The following PIWIL1 variants were observed in gnomAD, a reference collection of about 807,000 sequenced individuals.
PIWIL1 encodes the protein piwi like RNA-mediated gene silencing 1.
In PIWIL1, 73 loss-of-function variants were observed where a neutral mutation model predicts 114.4. The ratio of observed to expected loss-of-function variants is 0.64; its 90% CI spans 0.53 to 0.78. The LOEUF (loss-of-function observed/expected upper bound fraction) is 0.78. Among genes scored for constraint, PIWIL1 ranks in the 30% least tolerant of loss-of-function variants. The probability of loss-of-function intolerance (pLI) is 0.00; values close to 1 mark genes in which losing one functional copy is unlikely to be tolerated. For synonymous variants in PIWIL1, 375 were observed against 369.0 expected (o/e 1.02, Z -0.19); for missense variants, 723 against 1,063.1 (o/e 0.68, Z 4.45).
the PIWIL1 span, chr12:130,383,349 A>G: frequency 6.6e-6 from 1 of 152,176 alleles, no homozygotes; most frequent in Non-Finnish European, 1.5e-5. Context: ...CTCCTGAGAC[A>G]AGGAATCAGG....
At chr12:130,423,384 C>T in the PIWIL1 span, among the ~76,000 whole-genome samples, 2 of 152,196 alleles carry the variant, frequency 1.3e-5, no homozygotes, top group East Asian at 1.9e-4. Context: ...GGGCCCATCG[C>T]AAGCACACGG....
the PIWIL1 span, among the ~76,000 whole-genome samples, chr12:130,411,471 G>A: frequency 1.2e-4 from 18 of 152,176 alleles, no homozygotes; most frequent in Non-Finnish European, 2.2e-4. Context: ...CATTAAGGAT[G>A]ATAGTTTCTG....
At chr12:130,393,366 A>G in the PIWIL1 span, among the ~76,000 whole-genome samples, 6 of 149,370 alleles carry the variant, frequency 4.0e-5, no homozygotes, top group East Asian at 4.0e-4. Flanking sequence ...TACCTGGTGC[A>G]TATTGAATGT....
At chr12:130,373,515 C>CA (rs2073844114), downstream of PIWIL1, among the ~76,000 whole-genome samples, 1 of 151,776 alleles carries the variant, frequency 6.6e-6, no homozygotes, top group Non-Finnish European at 1.5e-5. Context: ...TATTTTAAGC[C>CA]AAAAAAGGGT....
the PIWIL1 span, among the ~76,000 whole-genome samples, chr12:130,379,161 G>A: frequency 4.0e-3 from 609 of 152,280 alleles, 4 homozygotes; most frequent in Non-Finnish European, 2.5e-3. Flanking sequence ...TTCGCTGTAG[G>A]GTGAGATAGA....
chr12:130,410,136 A>T, the PIWIL1 span, among the ~76,000 whole-genome samples: 1 of 152,224 alleles, frequency 6.6e-6, no homozygotes, highest in Non-Finnish European at 1.5e-5. Flanking sequence ...TGTTTCACTG[A>T]TGATGTTAAA....
the PIWIL1 span, chr12:130,396,414 AT>A: frequency 1.3e-5 from 2 of 152,678 alleles, no homozygotes; most frequent in Non-Finnish European, 2.9e-5. Flanking sequence ...AAGAGTAACC[AT>A]CAAATACATC....
At chr12:130,384,874 G>C in the PIWIL1 span, among the ~76,000 whole-genome samples, 2 of 151,212 alleles carry the variant, frequency 1.3e-5, no homozygotes, top group South Asian at 4.1e-4. Context: ...AAATCTAACA[G>C]TTGCTCATCT....
intron 1 of PIWIL1, chr12:130,342,176 G>GTGTGTGTC (rs1294774622): frequency 5.5e-6 from 1 of 183,150 alleles, no homozygotes; most frequent in African/African-American, 2.4e-5. Context: ...GTGTGTGTGT[G>GTGTGTGTC]TGTGTGTGTG....
chr12:130,420,737 T>G, the PIWIL1 span: 1 of 152,006 alleles, frequency 6.6e-6, no homozygotes, highest in South Asian at 2.1e-4. The surrounding 1 kb of genome is among the most constrained non-coding windows in gnomAD (Gnocchi z 4.3). Context: ...CCCAGGACAG[T>G]AGATTTAAAC....
At chr12:130,342,757 G>A (rs2072959346) in intron 2 of PIWIL1, 88 bp downstream of exon 2, 1 of 1,049,048 alleles carries the variant, frequency 9.5e-7, no homozygotes, top group Non-Finnish European at 1.5e-6. Flanking sequence ...AACTGTGCTG[G>A]GAAGGATATA....
At chr12:130,418,557 G>A in the PIWIL1 span, among the ~76,000 whole-genome samples, 2 of 152,110 alleles carry the variant, frequency 1.3e-5, no homozygotes, top group Admixed American at 6.6e-5. Context: ...TCCAGGTACG[G>A]AAAAATGCCA....
chr12:130,390,589 T>C, the PIWIL1 span, among the ~76,000 whole-genome samples: 1 of 152,210 alleles, frequency 6.6e-6, no homozygotes, highest in South Asian at 2.1e-4. Flanking sequence ...TCCTTTGGAA[T>C]TAGAGCTTGG....
chr12:130,340,660 T>TTGG (rs1181115618), intron 1 of PIWIL1, among the ~76,000 whole-genome samples: 6 of 94,074 alleles, frequency 6.4e-5, no homozygotes, highest in Admixed American at 2.3e-4. Context: ...GGGAGGGGGG[T>TTGG]TGGTGGTGGT....
intron 1 of PIWIL1, chr12:130,338,353 G>C (rs571894301): frequency 5.3e-6 from 1 of 189,282 alleles, no homozygotes; most frequent in African/African-American, 4.3e-5. Flanking sequence ...CGAGGTCCCA[G>C]GTGTGGGAGA....
At chr12:130,414,972 A>C in the PIWIL1 span, among the ~76,000 whole-genome samples, 1 of 152,224 alleles carries the variant, frequency 6.6e-6, no homozygotes, top group Non-Finnish European at 1.5e-5. Flanking sequence ...TTCTACCAAC[A>C]TACAAAGAAG....
the PIWIL1 span, among the ~76,000 whole-genome samples, chr12:130,417,326 A>G: frequency 1.3e-5 from 2 of 152,266 alleles, no homozygotes; most frequent in Admixed American, 6.5e-5. Context: ...TAGCAGGGAC[A>G]TGGAATCAAC....
chr12:130,414,392 A>G, the PIWIL1 span: 3 of 1,348,588 alleles, frequency 2.2e-6, no homozygotes, highest in African/African-American at 1.5e-5. Flanking sequence ...GAAAGCAGTG[A>G]GGATGGCAGC....
At chr12:130,368,682 G>T (rs551147908) in intron 19 of PIWIL1, among the ~76,000 whole-genome samples, 3 of 152,078 alleles carry the variant, frequency 2.0e-5, no homozygotes, top group African/African-American at 4.8e-5. Flanking sequence ...TATTCAAAAC[G>T]ACCCCCGATG....
Sources: gnomAD v4.1 joint callset for allele counts (sites outside exome capture counted in the v4.1 genomes callset) on GRCh38, gnomAD v4.1.1 for gene constraint, Gnocchi (gnomAD v3.1) non-coding constraint, MANE v1.5 for transcripts, NCBI Gene and HGNC (gene_info 2026-07-23, HGNC 2026-07-21) for gene names.